MAF: variants seen among roughly 807,000 people sequenced by gnomAD.
MAF encodes the protein MAF bZIP transcription factor, also known as transcription factor Maf.
MAF carries 10 observed loss-of-function variants against 22.0 expected under a neutral mutation model. The observed-to-expected ratio is 0.45, with a 90% CI of 0.28 to 0.77. The LOEUF (loss-of-function observed/expected upper bound fraction) is 0.77. Ranked by LOEUF, MAF falls within the 30% of genes least tolerant of loss-of-function variation. The pLI, the probability that MAF is intolerant of heterozygous loss-of-function variation, is 0.12. For missense variants in MAF, 544 were observed against 548.4 expected, an observed-to-expected ratio of 0.99 and a Z score of 0.08; for synonymous variants, 337 against 255.8, an observed-to-expected ratio of 1.32 and a Z score of -3.03.
chr16:79,543,418 G>A, the MAF span, among the ~76,000 whole-genome samples: 1 of 152,200 alleles, frequency 6.6e-6, no homozygotes, highest in Non-Finnish European at 1.5e-5. Flanking sequence ...CTGCCAAGAT[G>A]ACAAGAGCCA....
the MAF span, among the ~76,000 whole-genome samples, chr16:79,485,684 T>A: frequency 6.6e-6 from 1 of 152,362 alleles, no homozygotes; most frequent in Admixed American, 6.5e-5. Flanking sequence ...AAAGCACCAC[T>A]ATTACACTTG....
the MAF span, among the ~76,000 whole-genome samples, chr16:79,214,053 A>G: frequency 2.6e-5 from 4 of 152,136 alleles, no homozygotes; most frequent in Non-Finnish European, 5.9e-5. Flanking sequence ...CCTCTGCTGA[A>G]ATGCTTTCCT....
At chr16:79,563,057 G>T in the MAF span, among the ~76,000 whole-genome samples, 1 of 152,148 alleles carries the variant, frequency 6.6e-6, no homozygotes, top group East Asian at 1.9e-4. Context: ...TTACATCTAG[G>T]CTTGCACTAG....
chr16:79,482,285 T>C, the MAF span, among the ~76,000 whole-genome samples: 1 of 152,152 alleles, frequency 6.6e-6, no homozygotes, highest in Non-Finnish European at 1.5e-5. Context: ...CCCATCTTTC[T>C]GGGGGTTCAT....
chr16:79,306,451 G>C, the MAF span, among the ~76,000 whole-genome samples: 5 of 152,214 alleles, frequency 3.3e-5, no homozygotes, highest in Admixed American at 3.3e-4. Context: ...ACCAGGGTAA[G>C]CCCCTGACCC....
chr16:79,262,184 G>C, the MAF span, among the ~76,000 whole-genome samples: 1 of 152,122 alleles, frequency 6.6e-6, no homozygotes, highest in South Asian at 2.1e-4. Context: ...GTGCAGGATG[G>C]GTAGTTTTTG....
the MAF span, among the ~76,000 whole-genome samples, chr16:79,525,891 A>G: frequency 1.3e-5 from 2 of 152,208 alleles, no homozygotes; most frequent in Non-Finnish European, 2.9e-5. Flanking sequence ...TACAGTTACT[A>G]ACATCCCTGC....
chr16:79,461,990 C>T, the MAF span, among the ~76,000 whole-genome samples: 1 of 152,148 alleles, frequency 6.6e-6, no homozygotes. Context: ...AAGGCACCTG[C>T]CACCCATTCC....
the MAF span, among the ~76,000 whole-genome samples, chr16:79,265,504 G>A: frequency 2.3e-5 from 3 of 131,334 alleles, no homozygotes; most frequent in Non-Finnish European, 1.7e-5. Context: ...GACCTCCAGT[G>A]GACCCGATAC....
chr16:79,417,004 G>A, the MAF span, among the ~76,000 whole-genome samples: 45 of 152,300 alleles, frequency 3.0e-4, 1 homozygote, highest in African/African-American at 9.6e-4. Context: ...ATGGAATCCA[G>A]GCAAACATGT....
At chr16:79,325,262 G>A in the MAF span, among the ~76,000 whole-genome samples, 1 of 152,248 alleles carries the variant, frequency 6.6e-6, no homozygotes, top group South Asian at 2.1e-4. Flanking sequence ...AACCTGATTT[G>A]GAAAGACAGA....
At chr16:79,334,533 T>C in the MAF span, among the ~76,000 whole-genome samples, 5 of 152,270 alleles carry the variant, frequency 3.3e-5, no homozygotes, top group East Asian at 9.7e-4. Context: ...GAATAATTCA[T>C]TGATCTTAGG....
At chr16:79,216,160 GTATGTCGTGCACGTGTATATGTATA>G in the MAF span, among the ~76,000 whole-genome samples, 3,363 of 141,440 alleles carry the variant, frequency 0.024, 130 homozygotes, top group African/African-American at 0.087. Context: ...ATCTGTATAT[GTATGTCGTGCACGTGTATATGTATA>G]TATGTCGTGC....
At chr16:79,251,721 G>C in the MAF span, among the ~76,000 whole-genome samples, 3 of 152,156 alleles carry the variant, frequency 2.0e-5, no homozygotes, top group Non-Finnish European at 4.4e-5. Flanking sequence ...GCAATCCCTG[G>C]GGTCACAATA....
At chr16:79,261,555 A>G in the MAF span, among the ~76,000 whole-genome samples, 2 of 152,238 alleles carry the variant, frequency 1.3e-5, no homozygotes, top group African/African-American at 4.8e-5. Context: ...CTCTTCATCC[A>G]AATAATCCGG....
At chr16:79,243,835 G>A in the MAF span, among the ~76,000 whole-genome samples, 6 of 152,092 alleles carry the variant, frequency 3.9e-5, no homozygotes, top group Admixed American at 2.0e-4. Flanking sequence ...CTGGCAAACC[G>A]AATCCAGCAG....
At chr16:79,414,013 G>A in the MAF span, among the ~76,000 whole-genome samples, 12 of 152,310 alleles carry the variant, frequency 7.9e-5, no homozygotes, top group Admixed American at 5.2e-4. Context: ...TCAGCTGTCT[G>A]AGCTCACAAA....
the MAF span, among the ~76,000 whole-genome samples, chr16:79,393,425 C>T: frequency 6.6e-6 from 1 of 152,194 alleles, no homozygotes; most frequent in Non-Finnish European, 1.5e-5. Context: ...CCAGCGCTCT[C>T]TGCCTCATTT....
At chr16:79,209,362 T>G in the MAF span, among the ~76,000 whole-genome samples, 227 of 152,316 alleles carry the variant, frequency 1.5e-3, no homozygotes, top group African/African-American at 4.9e-3. Flanking sequence ...CAGTAGGTCA[T>G]AGTGGCAAAA....
Sources: allele counts gnomAD v4.1 joint callset (sites outside exome capture counted in the v4.1 genomes callset), GRCh38; gene constraint gnomAD v4.1.1; transcripts MANE v1.5; gene names NCBI Gene and HGNC (gene_info 2026-07-23, HGNC 2026-07-21).